CDKN2B-AS1: variants seen among roughly 807,000 people sequenced by gnomAD.
The protein encoded by CDKN2B-AS1 is CDKN2B and CDKN2A antisense cis and trans regulatory RNA 1, also known as CDKN2B antisense RNA 1 (non-protein coding).
upstream of CDKN2B-AS1, chr9:21,995,036 C>T (rs1820578789): frequency 6.6e-6 from 1 of 152,274 alleles, no homozygotes; most frequent in Non-Finnish European, 1.5e-5. This position sits in a 1 kb window ranked among gnomAD's most constrained non-coding sequence, Gnocchi z 5.7. Flanking sequence ...AGCCGCTCCG[C>T]TCCTCTTCTA....
Position 22,112,252 on chromosome 9 carries a change from G to C in CDKN2B-AS1, n.439-14851G>C, listed in dbSNP as rs573877337. 2.6e-5 allele frequency: 4 copies of C among 152,330 alleles called. No individual in the cohort carries two copies. In the East Asian group the frequency reaches 7.7e-4, roughly 29 times the overall value. 9.4% of individuals were successfully genotyped at this position (152,330 alleles called of 1,614,324 possible). Reference sequence around the variant, plus strand: ...CCAAAACAAGGGGTTAAACCACTGCGAGGGATCTCTCTCCAACTCTTGCTC... The same window carrying C: ...CCAAAACAAGGGGTTAAACCACTGCCAGGGATCTCTCTCCAACTCTTGCTC... On this transcript the variant is annotated intron_variant and non_coding_transcript_variant, in intron 4 of 4. Transcript: ENST00000650946.
intron 1 of CDKN2B-AS1, among the ~76,000 whole-genome samples, chr9:22,025,979 G>T (rs565898530): frequency 1.3e-3 from 194 of 152,116 alleles, no homozygotes; most frequent in Non-Finnish European, 2.3e-3. Flanking sequence ...CTGGGACAAA[G>T]GTCCCATGGA....
chr9:22,087,911 G>A (rs538478105), intron 4 of CDKN2B-AS1, among the ~76,000 whole-genome samples: 1 of 152,202 alleles, frequency 6.6e-6, no homozygotes, highest in African/African-American at 2.4e-5. Flanking sequence ...GCCAGATATA[G>A]TTTCCTATGA....
rs372489953 is a variant in CDKN2B-AS1, at chr9:22,039,833, C to CT, written n.30-6916dup. Among the ~76,000 whole-genome samples, 375 of 152,002 alleles carry CT rather than the reference C, an allele frequency of 2.5e-3. No individual in the cohort carries two copies. Among genetic ancestry groups the CT allele is most frequent in the African/African-American group, 7.9e-3 (327 of 41,484 alleles). ...TATGCTGAAGTCCTAACTCCTAGTG[C>CT]TTCAGAATGTGACCTTATTTGGAAA... On this transcript the variant is annotated intron_variant and non_coding_transcript_variant, in intron 1 of 4. Transcript: ENST00000650946. The surrounding 1 kb of genome is among the most constrained non-coding windows in gnomAD (Gnocchi z 4.4).
chr9:22,079,447 C>G (rs1015211339), intron 4 of CDKN2B-AS1, among the ~76,000 whole-genome samples: 1 of 151,242 alleles, frequency 6.6e-6, no homozygotes. Context: ...GAGACTGTGC[C>G]TCTGTACTCC....
At chr9:22,010,684 A>G (rs1821454317) in intron 1 of CDKN2B-AS1, among the ~76,000 whole-genome samples, 1 of 152,188 alleles carries the variant, frequency 6.6e-6, no homozygotes, top group South Asian at 2.1e-4. Flanking sequence ...TGGACAGGGA[A>G]GGGAACCGGG....
intron 2 of CDKN2B-AS1, among the ~76,000 whole-genome samples, chr9:22,048,648 A>G (rs909501599): frequency 6.6e-6 from 1 of 152,166 alleles, no homozygotes; most frequent in African/African-American, 2.4e-5. Flanking sequence ...TCCAGTCACC[A>G]ATCCAATCCA....
intron 4 of CDKN2B-AS1, among the ~76,000 whole-genome samples, chr9:22,071,372 TC>T (rs2091051821): frequency 7.1e-6 from 1 of 140,948 alleles, no homozygotes; most frequent in East Asian, 2.2e-4. Flanking sequence ...CGATCTTGGC[TC>T]ACAGCAAATT....
intron 1 of CDKN2B-AS1, among the ~76,000 whole-genome samples, chr9:22,038,128 G>A (rs1822760518): frequency 6.6e-6 from 1 of 151,988 alleles, no homozygotes; most frequent in Middle Eastern, 3.4e-3. Context: ...AAAACTGAAG[G>A]AAGCACTTTT....
intron 4 of CDKN2B-AS1, among the ~76,000 whole-genome samples, chr9:22,093,722 G>T (rs186095643): frequency 7.0e-6 from 1 of 143,748 alleles, no homozygotes; most frequent in Non-Finnish European, 1.5e-5. Flanking sequence ...TTCTGCACAT[G>T]AGATGGGATT....
At chr9:22,034,993 T>C (rs1415667632) in intron 1 of CDKN2B-AS1, among the ~76,000 whole-genome samples, 1 of 152,144 alleles carries the variant, frequency 6.6e-6, no homozygotes, top group Non-Finnish European at 1.5e-5. Context: ...TGTAGTTTTC[T>C]CATATGTAAA....
At chr9:21,998,694 G>T (rs1007025416) in intron 1 of CDKN2B-AS1, among the ~76,000 whole-genome samples, 1 of 152,168 alleles carries the variant, frequency 6.6e-6, no homozygotes, top group Admixed American at 6.5e-5. Context: ...CATAGGCAGG[G>T]ATAGGGGAGA....
intron 2 of CDKN2B-AS1, among the ~76,000 whole-genome samples, chr9:22,048,415 G>A (rs7028268): frequency 0.33 from 50,488 of 151,976 alleles, 9,597 homozygotes; most frequent in East Asian, 0.6. Flanking sequence ...CATAACTCCC[G>A]TGGAATAATT....
chr9:22,010,340 C>G (rs1426307548), intron 1 of CDKN2B-AS1, among the ~76,000 whole-genome samples: 2 of 152,076 alleles, frequency 1.3e-5, no homozygotes, highest in East Asian at 1.9e-4. Context: ...GGAAGAGAAC[C>G]GCAAGTTATG....
At chr9:22,048,310 G>A (rs943763178) in intron 2 of CDKN2B-AS1, among the ~76,000 whole-genome samples, 1 of 152,104 alleles carries the variant, frequency 6.6e-6, no homozygotes, top group Non-Finnish European at 1.5e-5. Flanking sequence ...GAGAGATCTG[G>A]TTAAAGTGCT....
Position 22,006,282 on chromosome 9 carries a change from G to T in CDKN2B-AS1, n.29+11121G>T. The T allele has an allele frequency of 6.3e-7, 1 of 1,599,900 alleles. No individual in the cohort carries two copies. Among genetic ancestry groups the T allele is most frequent in the Non-Finnish European group, 8.5e-7 (1 of 1,179,740 alleles). ...AGAGCAGAGTGGTCAGAGCCAGGGT[G>T]GGGGCAGGTATGGGAGATGCCGGCC... On this transcript the variant is annotated intron_variant and non_coding_transcript_variant, in intron 1 of 4. Coordinates refer to ENST00000650946, the Ensembl canonical transcript of CDKN2B-AS1. The surrounding 1 kb of genome is among the most constrained non-coding windows in gnomAD (Gnocchi z 6.4).
chr9:22,037,747 T>G (rs1822747829), intron 1 of CDKN2B-AS1, among the ~76,000 whole-genome samples: 1 of 152,080 alleles, frequency 6.6e-6, no homozygotes, highest in African/African-American at 2.4e-5. Context: ...TATTTTGGTG[T>G]GAATGGAAAT....
At chr9:22,066,538 C>T (rs1388090451) in intron 4 of CDKN2B-AS1, among the ~76,000 whole-genome samples, 4 of 152,064 alleles carry the variant, frequency 2.6e-5, no homozygotes, top group East Asian at 3.9e-4. Context: ...AGTAATGCTG[C>T]TTTCCTAGCT....
chr9:22,086,217 G>T (rs1339177106), intron 4 of CDKN2B-AS1, among the ~76,000 whole-genome samples: 1 of 152,148 alleles, frequency 6.6e-6, no homozygotes, highest in East Asian at 1.9e-4. Context: ...AGCTTGATCA[G>T]TGTTTGTTTA....
Sources: gnomAD v4.1 joint callset for allele counts (sites outside exome capture counted in the v4.1 genomes callset) on GRCh38, gnomAD v4.1.1 for gene constraint, Gnocchi (gnomAD v3.1) non-coding constraint, MANE v1.5 for transcripts, NCBI Gene and HGNC (gene_info 2026-07-23, HGNC 2026-07-21) for gene names.